The following SNX9 variants were observed in gnomAD, a reference collection of about 807,000 sequenced individuals.
SNX9 encodes sorting nexin-9.
A neutral mutation model predicts 89.4 loss-of-function variants in SNX9; 44 were observed. That is an observed-to-expected ratio of 0.49 (90% CI 0.39 to 0.63). The LOEUF (loss-of-function observed/expected upper bound fraction) is 0.63, where lower values mean the gene tolerates loss of function less well. Among genes scored for constraint, SNX9 ranks in the 30% least tolerant of loss-of-function variants. The pLI is 0.00. For synonymous variants in SNX9, 236 were observed against 247.8 expected (o/e 0.95, Z 0.45); for missense variants, 578 against 736.1 (o/e 0.79, Z 2.49).
rs1468483105 is a variant in SNX9, at chr6:157,945,061, T to A, written c.*2223T>A. On this transcript the variant is annotated 3_prime_UTR_variant, in exon 18 of 18. Transcript: ENST00000392185. The stretch of plus-strand genomic sequence containing the variant: ...AGCTGTAGTCATACAATCACATAAC[T>A]TTTACAAATATAGTGGAAAAAAAGT... The A allele has an allele frequency of 6.6e-6, 1 of 152,152 alleles. No individual in the cohort carries two copies. Among genetic ancestry groups the A allele is most frequent in the Non-Finnish European group, 1.5e-5 (1 of 68,020 alleles). The allele number at this position is 152,152 out of a possible 1,614,324, so 9.4% of individuals were successfully genotyped here.
At chr6:157,887,452 GCT>G (rs994990773) in intron 4 of SNX9, among the ~76,000 whole-genome samples, 5 of 152,208 alleles carry the variant, frequency 3.3e-5, no homozygotes, top group African/African-American at 1.2e-4. Context: ...AGTCTCCAGA[GCT>G]CTCTCTCTGC....
At chr6:157,909,606 A>T in intron 7 of SNX9, 59 bp from the exon 8 acceptor site, 1 of 1,594,894 alleles carries the variant, frequency 6.3e-7, no homozygotes. Flanking sequence ...GATTCACATC[A>T]ATTGTATTTA....
intron 4 of SNX9, among the ~76,000 whole-genome samples, chr6:157,878,490 C>T (rs1041707324): frequency 1.4e-5 from 2 of 147,142 alleles, no homozygotes; most frequent in Non-Finnish European, 3.0e-5. Flanking sequence ...AGTGCAGTGG[C>T]GTGATGTCAG....
At chr6:157,915,640 A>AAAAAAAAAAAATATATATATAT (rs1472422303) in intron 9 of SNX9, among the ~76,000 whole-genome samples, 1 of 95,148 alleles carries the variant, frequency 1.1e-5, no homozygotes, top group African/African-American at 4.6e-5. Context: ...AAAAAAAAAA[A>AAAAAAAAAAAATATATATATAT]ATATATATAT....
chr6:157,904,634 C>T (rs1783172987), intron 6 of SNX9, among the ~76,000 whole-genome samples: 1 of 152,062 alleles, frequency 6.6e-6, no homozygotes, highest in African/African-American at 2.4e-5. Flanking sequence ...TCGCTTGAAC[C>T]AGGAGGTGGA....
At chr6:157,908,121 T>C (rs1334303866) in intron 7 of SNX9, among the ~76,000 whole-genome samples, 1 of 152,214 alleles carries the variant, frequency 6.6e-6, no homozygotes, top group African/African-American at 2.4e-5. Context: ...GGGTATACCT[T>C]TTTTTCCTTT....
At chr6:157,909,088 T>G (rs1354065346) in intron 7 of SNX9, among the ~76,000 whole-genome samples, 3 of 152,106 alleles carry the variant, frequency 2.0e-5, no homozygotes, top group Non-Finnish European at 4.4e-5. Flanking sequence ...AAACAATGAC[T>G]ATCAGGCTCT....
intron 17 of SNX9, among the ~76,000 whole-genome samples, chr6:157,941,523 G>A (rs952325085): frequency 6.6e-6 from 1 of 152,160 alleles, no homozygotes; most frequent in Admixed American, 6.5e-5. Context: ...TAATTTTGTT[G>A]TTTACCAGAG....
At chr6:157,838,056 T>A (rs185712419) in intron 1 of SNX9, among the ~76,000 whole-genome samples, 2 of 152,318 alleles carry the variant, frequency 1.3e-5, no homozygotes, top group East Asian at 3.9e-4. Context: ...AACCTCACCC[T>A]GTTGCCCAGG....
At chr6:157,915,512 G>A (rs897488602) in intron 9 of SNX9, among the ~76,000 whole-genome samples, 3 of 150,498 alleles carry the variant, frequency 2.0e-5, no homozygotes, top group African/African-American at 4.9e-5. Flanking sequence ...CAGGCCAGGC[G>A]CGGTGGCTCA....
intron 9 of SNX9, among the ~76,000 whole-genome samples, chr6:157,915,640 A>AAAAAATATATATATATATAT (rs1472422303): frequency 3.2e-5 from 3 of 95,168 alleles, no homozygotes; most frequent in Non-Finnish European, 6.4e-5. Flanking sequence ...AAAAAAAAAA[A>AAAAAATATATATATATATAT]ATATATATAT....
chr6:157,852,994 T>TTTTG (rs955170493), intron 1 of SNX9, among the ~76,000 whole-genome samples: 7 of 152,084 alleles, frequency 4.6e-5, no homozygotes, highest in East Asian at 1.9e-4. Context: ...TGGTGAGTTT[T>TTTTG]TTTGTTTGTT....
chr6:157,886,073 C>T (rs569241593), intron 4 of SNX9, among the ~76,000 whole-genome samples: 17 of 152,174 alleles, frequency 1.1e-4, no homozygotes, highest in Non-Finnish European at 2.2e-4. Context: ...ATCTCTGCCA[C>T]GCCACAGTTG....
At chr6:157,931,796 A>G (rs1783814904) in intron 12 of SNX9, among the ~76,000 whole-genome samples, 1 of 152,216 alleles carries the variant, frequency 6.6e-6, no homozygotes, top group Non-Finnish European at 1.5e-5. Context: ...TGGGCAAGTC[A>G]GTTATCTGAG....
At chr6:157,907,436 C>T (rs1289912213) in intron 7 of SNX9, among the ~76,000 whole-genome samples, 1 of 152,172 alleles carries the variant, frequency 6.6e-6, no homozygotes, top group Non-Finnish European at 1.5e-5. Context: ...CATGCACCAC[C>T]ACGCCTAGCT....
chr6:157,887,966 T>C (rs571347141), intron 4 of SNX9, among the ~76,000 whole-genome samples: 5 of 152,336 alleles, frequency 3.3e-5, no homozygotes, highest in East Asian at 1.9e-4. Context: ...TACCCATCAA[T>C]TGGCTTCTTG....
intron 1 of SNX9, among the ~76,000 whole-genome samples, chr6:157,861,729 A>T (rs1385636011): frequency 6.6e-6 from 1 of 152,198 alleles, no homozygotes; most frequent in African/African-American, 2.4e-5. Context: ...ACCAAACCTT[A>T]TGTGTGTACT....
chr6:157,843,044 A>G (rs1320657249), intron 1 of SNX9, among the ~76,000 whole-genome samples: 3 of 152,186 alleles, frequency 2.0e-5, no homozygotes, highest in Admixed American at 2.0e-4. Flanking sequence ...TAAAGGTTAC[A>G]AGCAAGATAG....
intron 4 of SNX9, among the ~76,000 whole-genome samples, chr6:157,876,935 G>A (rs922068759): frequency 3.3e-5 from 5 of 152,246 alleles, no homozygotes; most frequent in Admixed American, 6.5e-5. Context: ...AGCCAAGCCA[G>A]TTGAGATTCA....
Sources: gnomAD v4.1 joint callset for allele counts (sites outside exome capture counted in the v4.1 genomes callset) on GRCh38, gnomAD v4.1.1 for gene constraint, MANE v1.5 for transcripts, NCBI Gene and HGNC (gene_info 2026-07-23, HGNC 2026-07-21) for gene names.